The following HSPB7 variants were observed in gnomAD, a reference collection of about 807,000 sequenced individuals.
The protein encoded by HSPB7 is heat shock protein beta-7.
A neutral mutation model predicts 11.0 loss-of-function variants in HSPB7; 9 were observed. That is an observed-to-expected ratio of 0.82 (90% CI 0.49 to 1.43). The LOEUF is 1.43. HSPB7 is among the 40% of genes most tolerant of loss of function. HSPB7 has a pLI of 0.00. For synonymous variants in HSPB7, 102 were observed against 101.6 expected, an observed-to-expected ratio of 1.00 and a Z score of -0.02; for missense variants, 246 against 243.9, an observed-to-expected ratio of 1.01 and a Z score of -0.06.
At position 16,015,784 on chromosome 1, in the gene HSPB7, C is replaced by A; in HGVS notation, c.334-25G>T. The A allele has an allele frequency of 6.4e-7, 1 of 1,554,084 alleles. No individual in the cohort carries two copies. Among genetic ancestry groups the A allele is most frequent in the Non-Finnish European group, 8.7e-7 (1 of 1,148,942 alleles). Reference sequence around the variant, plus strand: ...GCTGGGGAAGGGGTGACCCGTCAGGCAGGCTGCCCCGACCCCTGTCCTGCT... The same window carrying A: ...GCTGGGGAAGGGGTGACCCGTCAGGAAGGCTGCCCCGACCCCTGTCCTGCT... On this transcript the variant is annotated intron_variant, in intron 2 of 2. Coordinates refer to ENST00000311890, the MANE Select transcript of HSPB7 (RefSeq NM_014424.5). This position sits in a 1 kb window ranked among gnomAD's most constrained non-coding sequence, Gnocchi z 4.9.
chr1:16,019,544 C>A, upstream of HSPB7: 1 of 1,434,310 alleles, frequency 7.0e-7, no homozygotes, highest in South Asian at 1.4e-5. Flanking sequence ...GAGCTTCATC[C>A]TGGAGAGCTC....
At chr1:16,017,732 A>ACCTCC (rs759401882) in intron 1 of HSPB7, 33 bp downstream of exon 1, 11 of 1,519,790 alleles carry the variant, frequency 7.2e-6, no homozygotes, top group African/African-American at 2.8e-5. Flanking sequence ...CTCCCTGTGC[A>ACCTCC]CCTCCCCTCC....
Position 16,017,744 on chromosome 1 carries a change from C to G in HSPB7, c.199+21G>C, listed in dbSNP as rs778059701. 3.2e-6 allele frequency: 5 copies of G among 1,556,618 alleles called. No individual in the cohort carries two copies. In the South Asian group the frequency reaches 4.8e-5, roughly 15 times the overall value. ...CCCCTCCCTGTGCACCTCCCCTCCC[C>G]TCAGGGCCCGGATCACTTGCCTGGG... is the stretch of plus-strand genomic sequence containing the variant. On this transcript the variant is annotated intron_variant, in intron 1 of 2. Transcript: ENST00000311890.
rs2021674806 is a variant in HSPB7, at chr1:16,015,775, C to T, written c.334-16G>A. 1.3e-6 allele frequency: 2 copies of T among 1,563,702 alleles called. No homozygotes were observed. Among genetic ancestry groups the T allele is most frequent in the African/African-American group, 1.3e-5 (1 of 74,414 alleles). ...CAGCCGCCAGCTGGGGAAGGGGTGACCCGTCAGGCAGGCTGCCCCGACCCC... is the reference window on the plus strand; with the variant it reads ...CAGCCGCCAGCTGGGGAAGGGGTGATCCGTCAGGCAGGCTGCCCCGACCCC... On this transcript the variant is annotated splice_polypyrimidine_tract_variant and intron_variant, in intron 2 of 2. Coordinates refer to ENST00000311890, the MANE Select transcript of HSPB7 (RefSeq NM_014424.5). This position sits in a 1 kb window ranked among gnomAD's most constrained non-coding sequence, Gnocchi z 4.9.
chr1:16,016,743 C>T (rs1465131527), intron 2 of HSPB7, among the ~76,000 whole-genome samples: 1 of 152,092 alleles, frequency 6.6e-6, no homozygotes, highest in Non-Finnish European at 1.5e-5. Context: ...CTGCCATCAC[C>T]ATCTCACACC....
chr1:16,015,997 G>A lies in HSPB7; in HGVS notation c.334-238C>T, dbSNP rs2021690126. 1.3e-5 allele frequency among the ~76,000 whole-genome samples: 2 copies of A among 152,260 alleles called. No homozygotes were observed. Among genetic ancestry groups the A allele is most frequent in the Admixed American group, 1.3e-4 (2 of 15,292 alleles). On this transcript the variant is annotated intron_variant, in intron 2 of 2. Transcript: ENST00000311890. This position sits in a 1 kb window ranked among gnomAD's most constrained non-coding sequence, Gnocchi z 4.9. ...CTCCAAGGAACAGGCCAGGGACATGGGGAAGAGGTGGGGCTTGGAGAGAGA... is the reference window on the plus strand; with the variant it reads ...CTCCAAGGAACAGGCCAGGGACATGAGGAAGAGGTGGGGCTTGGAGAGAGA...
chr1:16,015,867 G>A lies in HSPB7; in HGVS notation c.334-108C>T, dbSNP rs2021683034. 9.2e-6 allele frequency: 10 copies of A among 1,084,344 alleles called. No homozygotes were observed. Among genetic ancestry groups the A allele is most frequent in the African/African-American group, 1.6e-5 (1 of 63,180 alleles). The allele number at this position is 1,084,344 out of a possible 1,614,324, so 67.2% of individuals were successfully genotyped here. ...TAACCCCAGCCAGACCCCACATGCC[G>A]AGGGGCTCTGCCCTCAGGTGCCGAG... On this transcript the variant is annotated intron_variant, in intron 2 of 2. Transcript: ENST00000311890. This position sits in a 1 kb window ranked among gnomAD's most constrained non-coding sequence, Gnocchi z 4.9.
chr1:16,017,795 G>C lies in HSPB7; in HGVS notation c.169C>G (p.Arg57Gly). 2 of 1,610,366 alleles carry C rather than the reference G, an allele frequency of 1.2e-6. No homozygotes were observed. Among genetic ancestry groups the C allele is most frequent in the Non-Finnish European group, 1.7e-6 (2 of 1,178,380 alleles). The change falls in exon 1 of 3, where the codon CGG becomes GGG. Residue 57 changes from arginine to glycine, a missense_variant. Transcript: ENST00000311890. ...MFSDDFGSFM[R>G]PHSEPLAFPA... ...AAGGCCAGGGGCTCCGAGTGGGGCCGCATGAAGCTGCCAAAGTCATCGGAA... is the reference window on the plus strand; with the variant it reads ...AAGGCCAGGGGCTCCGAGTGGGGCCCCATGAAGCTGCCAAAGTCATCGGAA...
chr1:16,016,004 G>T (rs1257054340), intron 2 of HSPB7, among the ~76,000 whole-genome samples: 1 of 152,240 alleles, frequency 6.6e-6, no homozygotes, highest in Non-Finnish European at 1.5e-5. Context: ...ATGGGGAAGA[G>T]GTGGGGCTTG....
upstream of HSPB7, chr1:16,019,500 T>C: frequency 6.6e-7 from 1 of 1,508,630 alleles, no homozygotes; most frequent in Non-Finnish European, 8.9e-7. Flanking sequence ...ACGGGCAGTT[T>C]CTCTTTTGTC....
chr1:16,016,924 G>C, intron 2 of HSPB7, 150 bp downstream of exon 2: 5 of 769,146 alleles, frequency 6.5e-6, no homozygotes, highest in Non-Finnish European at 8.2e-6. Flanking sequence ...ATGGGTTGCA[G>C]GGACAAGGCC....
chr1:16,018,489 T>C, upstream of HSPB7: 1 of 1,115,350 alleles, frequency 9.0e-7, no homozygotes, highest in Non-Finnish European at 1.1e-6. Flanking sequence ...CACCGCTCTG[T>C]GACGTCAGGA....
chr1:16,019,131 G>C, upstream of HSPB7: 1 of 1,547,000 alleles, frequency 6.5e-7, no homozygotes, highest in Non-Finnish European at 8.7e-7. Context: ...AGCTGGGACT[G>C]ACCTTGCCCT....
In HSPB7 at chr1:16,015,935, A is replaced by C. The variant is rs987840661; in HGVS notation, c.334-176T>G. Among the ~76,000 whole-genome samples the C allele has an allele frequency of 5.3e-5, 8 of 152,240 alleles. No homozygotes were observed. Among genetic ancestry groups the C allele is most frequent in the Non-Finnish European group, 1.0e-4 (7 of 68,038 alleles). ...GATGGCCACAGGCCAAAGGCTCTGC[A>C]GGGACAGCGCAGGGGTGCTTCGCAG... On this transcript the variant is annotated intron_variant, in intron 2 of 2. Coordinates refer to ENST00000311890, the MANE Select transcript of HSPB7 (RefSeq NM_014424.5). The surrounding 1 kb of genome is among the most constrained non-coding windows in gnomAD (Gnocchi z 4.9).
chr1:16,018,155 A>C, upstream of HSPB7: 2 of 1,540,426 alleles, frequency 1.3e-6, no homozygotes, highest in South Asian at 2.4e-5. Flanking sequence ...GGGGCTGGAA[A>C]TCTTCTCCCG....
upstream of HSPB7, chr1:16,018,169 G>A (rs872222): frequency 0.4 from 606,519 of 1,530,806 alleles, 122,617 homozygotes; most frequent in East Asian, 0.67. Context: ...TCTCCCGTGC[G>A]CCGGCCCTGC....
rs1439828330 is a variant in HSPB7 at position 16,017,222 on chromosome 1, G to A, written c.200-15C>T. The A allele has an allele frequency of 6.2e-7, 1 of 1,610,912 alleles. No individual in the cohort carries two copies. ...ACCGGGGCGGGCTGTGGGATGGGCT[G>A]CTGTGAGCGAGGCATGGAGCAGGCC... On this transcript the variant is annotated splice_polypyrimidine_tract_variant and intron_variant, in intron 1 of 2. Transcript: ENST00000311890.
chr1:16,018,164 C>T (rs558475724), upstream of HSPB7: 23 of 1,536,866 alleles, frequency 1.5e-5, no homozygotes, highest in Admixed American at 1.4e-4. Context: ...AATCTTCTCC[C>T]GTGCGCCGGC....
At position 16,017,811 on chromosome 1, in the gene HSPB7, G is replaced by C. The variant is rs989853549; in HGVS notation, c.153C>G (p.Asp51Glu). 1.2e-6 allele frequency: 2 copies of C among 1,613,228 alleles called. No homozygotes were observed. The highest frequency in any genetic ancestry group is 1.7e-5 in the Admixed American group (1 of 59,926). Residue 51 changes from aspartate to glutamate, a missense_variant, in exon 1 of 3, where the codon GAC (aspartate) becomes GAG (glutamate). Coordinates refer to ENST00000311890, the MANE Select transcript of HSPB7 (RefSeq NM_014424.5). Reference sequence around the variant, plus strand: ...AGTGGGGCCGCATGAAGCTGCCAAAGTCATCGGAAAACATGCTCAGGGCCT... The same window carrying C: ...AGTGGGGCCGCATGAAGCTGCCAAACTCATCGGAAAACATGCTCAGGGCCT... The part of the protein sequence containing the change: ...MEKALSMFSD[D>E]FGSFMRPHSE...
Sources: gnomAD v4.1 joint callset for allele counts (sites outside exome capture counted in the v4.1 genomes callset) on GRCh38, gnomAD v4.1.1 for gene constraint, Gnocchi (gnomAD v3.1) non-coding constraint, MANE v1.5 for transcripts, NCBI Gene and HGNC (gene_info 2026-07-23, HGNC 2026-07-21) for gene names.